The following SRGAP3 variants were observed in gnomAD, a reference collection of about 807,000 sequenced individuals.
SRGAP3 encodes the protein SLIT-ROBO Rho GTPase activating protein 3.
Under a neutral mutation model 121.1 loss-of-function variants are expected in SRGAP3, and 39 were observed. The ratio of observed to expected loss-of-function variants is 0.32; its 90% CI spans 0.25 to 0.42. The LOEUF (loss-of-function observed/expected upper bound fraction) is 0.42. SRGAP3 is among the 10% of genes least tolerant of loss of function. The probability of loss-of-function intolerance (pLI) is 1.00; values close to 1 mark genes in which losing one functional copy is unlikely to be tolerated. For missense variants in SRGAP3, 1,213 were observed against 1,470.6 expected (o/e 0.82, Z 2.86); for synonymous variants, 601 against 570.0 (o/e 1.05, Z -0.77).
At chr3:9,008,780 A>G (rs1247466072) in intron 18 of SRGAP3, among the ~76,000 whole-genome samples, 1 of 152,076 alleles carries the variant, frequency 6.6e-6, no homozygotes, top group Admixed American at 6.5e-5. Flanking sequence ...CCCGGGTCTG[A>G]CCCATTAGCT....
intron 3 of SRGAP3, among the ~76,000 whole-genome samples, chr3:9,097,550 T>C (rs1168675785): frequency 6.6e-6 from 1 of 152,120 alleles, no homozygotes; most frequent in Non-Finnish European, 1.5e-5. Context: ...GACCCAGACT[T>C]TCCTCCCACT....
At chr3:9,267,993 G>A (rs1954398714) in intron 3 of SRGAP3, among the ~76,000 whole-genome samples, 2 of 152,178 alleles carry the variant, frequency 1.3e-5, no homozygotes, top group African/African-American at 2.4e-5. Context: ...CTGCCATGCT[G>A]GGGAGACCCC....
intron 10 of SRGAP3, among the ~76,000 whole-genome samples, chr3:9,045,720 C>G (rs1945237086): frequency 3.3e-5 from 5 of 152,196 alleles, no homozygotes. Context: ...CGTGGGCAGG[C>G]CACTGCACCA....
Position 9,095,931 on chromosome 3 carries a change from G to C in SRGAP3, c.423+8749C>G, listed in dbSNP as rs551808788. Among the ~76,000 whole-genome samples, 6 of 151,956 alleles carry C rather than the reference G, an allele frequency of 3.9e-5. No homozygotes were observed. In the South Asian group the frequency reaches 1.3e-3, roughly 32 times the overall value. On this transcript the variant is annotated intron_variant, in intron 3 of 21. Coordinates refer to ENST00000383836, the MANE Select transcript of SRGAP3 (RefSeq NM_014850.4). ...AAAACTGGAAAAAAAAAATTGCAGG[G>C]TGTGGTGGCATACTCCTGCAGTCCC... is the stretch of plus-strand genomic sequence containing the variant.
intron 9 of SRGAP3, among the ~76,000 whole-genome samples, chr3:9,051,042 T>A (rs1945547704): frequency 7.3e-6 from 1 of 137,430 alleles, no homozygotes; most frequent in Non-Finnish European, 1.6e-5. Flanking sequence ...TTTTTTTTTT[T>A]TTTTGAGACA....
At chr3:9,313,832 T>C (rs945713402) in intron 3 of SRGAP3, among the ~76,000 whole-genome samples, 3 of 151,596 alleles carry the variant, frequency 2.0e-5, no homozygotes, top group Non-Finnish European at 4.4e-5. Context: ...CCATCTCTAC[T>C]AAAATACAAA....
At chr3:9,351,591 G>A (rs1048107430) in intron 1 of SRGAP3, among the ~76,000 whole-genome samples, 8 of 152,146 alleles carry the variant, frequency 5.3e-5, no homozygotes, top group East Asian at 1.9e-4. Flanking sequence ...CATGTGCTGC[G>A]TAACAAAGTT....
At chr3:9,094,812 G>A (rs1947903564) in intron 3 of SRGAP3, among the ~76,000 whole-genome samples, 1 of 152,088 alleles carries the variant, frequency 6.6e-6, no homozygotes, top group Non-Finnish European at 1.5e-5. Flanking sequence ...CTGGAGTGCA[G>A]TAGTGTAATC....
At chr3:9,199,124 A>G (rs1251679734) in intron 1 of SRGAP3, among the ~76,000 whole-genome samples, 1 of 152,188 alleles carries the variant, frequency 6.6e-6, no homozygotes, top group Non-Finnish European at 1.5e-5. Context: ...AGCTGCTAAA[A>G]GCCTGAAAGG....
intron 19 of SRGAP3, among the ~76,000 whole-genome samples, chr3:8,993,280 C>G (rs1942179942): frequency 6.6e-6 from 1 of 152,236 alleles, no homozygotes; most frequent in South Asian, 2.1e-4. Flanking sequence ...TGTCCCACAC[C>G]TACCTCCTCC....
chr3:9,069,818 G>A (rs145934197), intron 4 of SRGAP3, among the ~76,000 whole-genome samples: 1,767 of 152,286 alleles, frequency 0.012, 36 homozygotes, highest in African/African-American at 0.039. Context: ...GTGGTGGTGG[G>A]CCCCTGTACT....
intron 1 of SRGAP3, chr3:9,216,683 G>A (rs1375704321): frequency 5.2e-5 from 8 of 152,658 alleles, no homozygotes; most frequent in Admixed American, 5.2e-4. Flanking sequence ...GAGGTACTGA[G>A]GGGCCAAGTC....
rs1575141132 is a variant in SRGAP3 at position 9,145,227 on chromosome 3, C to A, written c.68-20310G>T. Among the ~76,000 whole-genome samples, 5 of 152,280 alleles carry A rather than the reference C, an allele frequency of 3.3e-5. No individual in the cohort carries two copies. In the South Asian group the frequency reaches 1.0e-3, roughly 32 times the overall value. ...TCTCCTACCTCAGCCTCCCAAGTAG[C>A]TGGGATTACAGGCGCATGCCACCAT... On this transcript the variant is annotated intron_variant, in intron 1 of 21. Coordinates refer to ENST00000383836, the MANE Select transcript of SRGAP3 (RefSeq NM_014850.4).
chr3:9,324,289 G>C (rs1424886391), intron 3 of SRGAP3, among the ~76,000 whole-genome samples: 1 of 151,908 alleles, frequency 6.6e-6, no homozygotes, highest in African/African-American at 2.4e-5. Context: ...CATTTAGTTT[G>C]CTTTAACAAT....
chr3:8,983,622 A>C lies in SRGAP3; in HGVS notation c.*1897T>G. On this transcript the variant is annotated 3_prime_UTR_variant, in exon 22 of 22. Coordinates refer to ENST00000383836, the MANE Select transcript of SRGAP3 (RefSeq NM_014850.4). ...GGATGGCAGGAAAATTCCACTGCTC[A>C]CTTCTGAAATGCCATTGGGAGGTTT... The C allele has an allele frequency of 8.6e-6, 2 of 231,750 alleles. No individual in the cohort carries two copies. Among genetic ancestry groups the C allele is most frequent in the Non-Finnish European group, 1.7e-5 (2 of 117,148 alleles). 14.4% of individuals were successfully genotyped at this position (231,750 alleles called of 1,614,324 possible).
intron 1 of SRGAP3, chr3:9,350,150 T>C (rs1200641482): frequency 3.3e-5 from 5 of 152,246 alleles, no homozygotes; most frequent in Non-Finnish European, 7.3e-5. Context: ...GAGTGCCATC[T>C]ACTCTATGTC....
intron 4 of SRGAP3, among the ~76,000 whole-genome samples, chr3:9,073,919 C>T (rs1353799858): frequency 1.3e-5 from 2 of 152,160 alleles, no homozygotes; most frequent in Non-Finnish European, 2.9e-5. Context: ...CACTAATAAC[C>T]TAGTAACTGA....
chr3:9,075,579 T>C (rs1201900364), intron 4 of SRGAP3, among the ~76,000 whole-genome samples: 3 of 152,184 alleles, frequency 2.0e-5, no homozygotes, highest in Non-Finnish European at 2.9e-5. Context: ...TAGCCCCAGA[T>C]AGAGACAAGC....
intron 4 of SRGAP3, among the ~76,000 whole-genome samples, chr3:9,079,095 AC>A (rs2125260769): frequency 6.6e-6 from 1 of 152,336 alleles, no homozygotes; most frequent in African/African-American, 2.4e-5. Flanking sequence ...GGGGCTTCTC[AC>A]AGACTGCTGT....
Sources: allele counts gnomAD v4.1 joint callset (sites outside exome capture counted in the v4.1 genomes callset), GRCh38; gene constraint gnomAD v4.1.1; transcripts MANE v1.5; gene names NCBI Gene and HGNC (gene_info 2026-07-23, HGNC 2026-07-21).